The following VAMP7 variants were observed in gnomAD, a reference collection of about 807,000 sequenced individuals.
VAMP7 encodes vesicle associated membrane protein 7, also known as vesicle-associated membrane protein 7.
In VAMP7, 14 loss-of-function variants were observed where a neutral mutation model predicts 29.6. The ratio of observed to expected loss-of-function variants is 0.47; its 90% CI spans 0.31 to 0.74. The LOEUF is 0.74. VAMP7 is among the 30% of genes least tolerant of loss of function. The probability of loss-of-function intolerance (pLI) is 0.05; values close to 1 mark genes in which losing one functional copy is unlikely to be tolerated. For missense variants in VAMP7, 223 were observed against 262.4 expected, an observed-to-expected ratio of 0.85 and a Z score of 1.04; for synonymous variants, 95 against 88.1, an observed-to-expected ratio of 1.08 and a Z score of -0.44.
intron 6 of VAMP7, among the ~76,000 whole-genome samples, chrX:155,933,771 A>G (rs2066603025): frequency 6.6e-6 from 1 of 151,914 alleles, no homozygotes; most frequent in Non-Finnish European, 1.5e-5. Context: ...TTGTTCCTCT[A>G]GTTCTTTTAA....
intron 5 of VAMP7, among the ~76,000 whole-genome samples, chrX:155,908,881 G>A (rs2066192146): frequency 6.6e-6 from 1 of 151,766 alleles, no homozygotes; most frequent in African/African-American, 2.4e-5. Context: ...TCATTCCCTT[G>A]GTGGGAGGGT....
At chrX:155,941,832 G>T in intron 7 of VAMP7, 51 bp from the exon 8 acceptor site, 1 of 1,568,304 alleles carries the variant, frequency 6.4e-7, no homozygotes, top group African/African-American at 1.4e-5. Context: ...ATATTATTTA[G>T]AATAATATGA....
intron 6 of VAMP7, among the ~76,000 whole-genome samples, chrX:155,927,136 C>T (rs997205631): frequency 7.2e-5 from 11 of 151,932 alleles, no homozygotes; most frequent in East Asian, 3.9e-4. Context: ...ATGGTGCTGC[C>T]GCATGTTCTC....
Position 155,919,821 on chromosome X carries a change from G to A in VAMP7, c.442G>A (p.Ala148Thr). The A allele has an allele frequency of 6.2e-7, 1 of 1,612,958 alleles. No homozygotes were observed. Among genetic ancestry groups the A allele is most frequent in the Non-Finnish European group, 8.5e-7 (1 of 1,179,472 alleles). The stretch of plus-strand genomic sequence containing the variant: ...TTTTCCAATATTTTCAGATCTGGTA[G>A]CTCAGCGAGGAGAAAGATTGGAATT... ...GIMVRNIDLV[A>T]QRGERLELLI... is the part of the protein sequence containing the mutation. Residue 148 changes from alanine to threonine, a missense_variant, in exon 6 of 8, where the codon GCT becomes ACT. Ala to Thr is a moderately conservative substitution (Grantham distance 58). Transcript: ENST00000286448.
In VAMP7 at chrX:155,920,586, T is replaced by G. The variant is rs190533745; in HGVS notation, c.501+706T>G. Among the ~76,000 whole-genome samples the G allele has an allele frequency of 1.5e-3, 231 of 152,290 alleles. No individual in the cohort carries two copies. In the Middle Eastern group the frequency reaches 0.02, roughly 13 times the overall value. On this transcript the variant is annotated intron_variant, in intron 6 of 7. Transcript: ENST00000286448. ...ATGTTCGTTGTGACTGACAGCTGGA[T>G]TGTAGTGGTTAAGAACACAGGCTCT...
At chrX:155,892,509 T>C (rs1383790821) in intron 2 of VAMP7, among the ~76,000 whole-genome samples, 1 of 152,118 alleles carries the variant, frequency 6.6e-6, no homozygotes, top group Non-Finnish European at 1.5e-5. Context: ...CCATTTACAA[T>C]TCAATGCTAG....
At chrX:155,901,610 AC>A (rs1204289824) in intron 5 of VAMP7, among the ~76,000 whole-genome samples, 2 of 152,122 alleles carry the variant, frequency 1.3e-5, no homozygotes, top group Non-Finnish European at 2.9e-5. Flanking sequence ...TTTTCCCAGC[AC>A]CATTTATTAA....
At chrX:155,908,178 A>G (rs1452282721) in intron 5 of VAMP7, among the ~76,000 whole-genome samples, 5 of 152,336 alleles carry the variant, frequency 3.3e-5, no homozygotes, top group Admixed American at 2.6e-4. Context: ...AGAGGCTGCA[A>G]TCTCGGCACT....
At chrX:155,920,547 A>G (rs372618227) in intron 6 of VAMP7, among the ~76,000 whole-genome samples, 132 of 152,314 alleles carry the variant, frequency 8.7e-4, no homozygotes, top group African/African-American at 2.9e-3. Context: ...CTTGAAAGAA[A>G]ACAGTGATTG....
chrX:155,923,493 A>G (rs1157712636), intron 6 of VAMP7, among the ~76,000 whole-genome samples: 1 of 151,644 alleles, frequency 6.6e-6, no homozygotes, highest in African/African-American at 2.4e-5. Flanking sequence ...CTTTCTTTTA[A>G]TACTTGATGA....
At chrX:155,917,559 G>T (rs768998183) in intron 5 of VAMP7, among the ~76,000 whole-genome samples, 2 of 152,070 alleles carry the variant, frequency 1.3e-5, no homozygotes, top group East Asian at 3.9e-4. Context: ...CTTCTAACAG[G>T]CCTCTCTGCT....
intron 5 of VAMP7, 63 bp downstream of exon 5, chrX:155,900,650 T>G: frequency 7.0e-7 from 1 of 1,433,864 alleles, no homozygotes; most frequent in Non-Finnish European, 9.6e-7. Flanking sequence ...TTGACTGGGG[T>G]CAAATTATTC....
chrX:155,921,314 T>A (rs767751131), intron 6 of VAMP7, among the ~76,000 whole-genome samples: 4 of 151,810 alleles, frequency 2.6e-5, no homozygotes, highest in South Asian at 2.1e-4. Flanking sequence ...CAATTATTTT[T>A]TATATATATC....
intron 2 of VAMP7, among the ~76,000 whole-genome samples, chrX:155,890,860 C>CTTATACAG (rs2065918277): frequency 6.6e-6 from 1 of 152,112 alleles, no homozygotes; most frequent in Non-Finnish European, 1.5e-5. Flanking sequence ...TGGCTAACCC[C>CTTATACAG]TTATACAGTT....
chrX:155,941,968 A>G lies in VAMP7; in HGVS notation c.*17A>G. The G allele has an allele frequency of 6.2e-7, 1 of 1,613,828 alleles. No homozygotes were observed. The highest frequency in any genetic ancestry group is 1.3e-5 in the African/African-American group (1 of 75,042). ...AAGAAATAGGAAAGAAGAAGTTACC[A>G]TTAACCAAGGATATGAGAGAACAAG... On this transcript the variant is annotated 3_prime_UTR_variant, in exon 8 of 8. Transcript: ENST00000286448.
At chrX:155,894,488 T>C (rs2124252657) in intron 2 of VAMP7, among the ~76,000 whole-genome samples, 1 of 152,168 alleles carries the variant, frequency 6.6e-6, no homozygotes, top group South Asian at 2.1e-4. Flanking sequence ...TAATTCACTT[T>C]TTCTTCACAT....
At chrX:155,939,324 C>T (rs1246520121) in intron 6 of VAMP7, among the ~76,000 whole-genome samples, 1 of 152,068 alleles carries the variant, frequency 6.6e-6, no homozygotes, top group Non-Finnish European at 1.5e-5. Flanking sequence ...CTCAAAGCCC[C>T]GGAATTATAC....
In VAMP7 at chrX:155,889,676, G is replaced by A. The variant is rs1348142670; in HGVS notation, c.146+64G>A. 1.3e-5 allele frequency: 20 copies of A among 1,531,220 alleles called. No individual in the cohort carries two copies. The Admixed American group carries it at 2.3e-4, about 18-fold the overall frequency. The allele number at this position is 1,531,220 out of a possible 1,614,324, so 94.9% of individuals were successfully genotyped here. On this transcript the variant is annotated intron_variant, in intron 2 of 7. Coordinates refer to ENST00000286448, the MANE Select transcript of VAMP7 (RefSeq NM_005638.6). ...GGAATTCTGTTACTCTAATCAGAAC[G>A]GTAGAAAAGTAGAAAACAAGCTTCT...
intron 5 of VAMP7, among the ~76,000 whole-genome samples, chrX:155,915,099 A>G (rs1256769856): frequency 6.6e-6 from 1 of 152,070 alleles, no homozygotes; most frequent in Non-Finnish European, 1.5e-5. Flanking sequence ...GGGAGGGTGT[A>G]TGTGTCCAGG....
Sources: allele counts gnomAD v4.1 joint callset (sites outside exome capture counted in the v4.1 genomes callset), GRCh38; gene constraint gnomAD v4.1.1; transcripts MANE v1.5; gene names NCBI Gene and HGNC (gene_info 2026-07-23, HGNC 2026-07-21).